RSPO2: variants seen among roughly 807,000 people sequenced by gnomAD.
RSPO2 encodes the protein R-spondin-2.
RSPO2 carries 14 observed loss-of-function variants against 30.9 expected under a neutral mutation model. The ratio of observed to expected loss-of-function variants is 0.45; its 90% CI spans 0.30 to 0.71. RSPO2 has a LOEUF of 0.71. RSPO2 is among the 30% of genes least tolerant of loss of function. RSPO2 has a pLI of 0.08. For synonymous variants in RSPO2, 107 were observed against 96.4 expected, an observed-to-expected ratio of 1.11 and a Z score of -0.64; for missense variants, 264 against 301.9, an observed-to-expected ratio of 0.87 and a Z score of 0.93.
chr8:107,926,139 AT>A (rs1812361647), intron 5 of RSPO2, among the ~76,000 whole-genome samples: 1 of 152,032 alleles, frequency 6.6e-6, no homozygotes, highest in Non-Finnish European at 1.5e-5. Context: ...TTTGATTTGC[AT>A]TTCTCTGATG....
intron 5 of RSPO2, among the ~76,000 whole-genome samples, chr8:107,951,043 G>GTTTTTTTTTTTTTTT (rs767290459): frequency 3.5e-5 from 3 of 85,860 alleles, no homozygotes; most frequent in African/African-American, 1.1e-4. Context: ...GGGAGAATAA[G>GTTTTTTTTTTTTTTT]TTTTTTTTTG....
At chr8:107,980,961 A>G (rs1414553191) in intron 3 of RSPO2, among the ~76,000 whole-genome samples, 1 of 152,194 alleles carries the variant, frequency 6.6e-6, no homozygotes, top group African/African-American at 2.4e-5. Flanking sequence ...TCTCCAACCT[A>G]ATGGTCTAAG....
At chr8:107,970,974 AG>A (rs1185613503) in intron 3 of RSPO2, among the ~76,000 whole-genome samples, 1 of 152,272 alleles carries the variant, frequency 6.6e-6, no homozygotes, top group Non-Finnish European at 1.5e-5. Flanking sequence ...CCTTCGGGCC[AG>A]TCAGTGGACT....
At chr8:107,983,149 C>T in intron 3 of RSPO2, 2 of 1,507,458 alleles carry the variant, frequency 1.3e-6, no homozygotes, top group African/African-American at 1.4e-5. Context: ...CAACCTGGCT[C>T]ATCAACAGAG....
chr8:107,922,711 G>C lies in RSPO2; in HGVS notation c.617-21521C>G, dbSNP rs538895753. Among the ~76,000 whole-genome samples, 36 of 152,102 alleles carry C rather than the reference G, an allele frequency of 2.4e-4. No homozygotes were observed. In the South Asian group the frequency reaches 7.5e-3, roughly 32 times the overall value. ...CTTCAAACTACATACTATATACTAC[G>C]GGGCTGCAAACAACATGGTACTGGT... On this transcript the variant is annotated intron_variant, in intron 5 of 5. Transcript: ENST00000276659.
chr8:108,052,119 T>C (rs1812096987), intron 2 of RSPO2, among the ~76,000 whole-genome samples: 2 of 152,226 alleles, frequency 1.3e-5, no homozygotes, highest in African/African-American at 4.8e-5. Flanking sequence ...AGCTAGATCA[T>C]ACAGAAACTG....
At chr8:107,998,696 TAATC>T (rs1815114652) in intron 2 of RSPO2, among the ~76,000 whole-genome samples, 1 of 152,166 alleles carries the variant, frequency 6.6e-6, no homozygotes, top group South Asian at 2.1e-4. Context: ...AAAAAATTGA[TAATC>T]AAGATCAAAG....
Position 107,989,082 on chromosome 8 carries a change from C to T in RSPO2, c.257G>A (p.Arg86Gln), listed in dbSNP as rs202023955. The change falls in exon 3 of 6, where the codon CGA (arginine) becomes CAA (glutamine). Residue 86 changes from arginine (R) to glutamine (Q), a missense_variant. Arg to Gln is a conservative substitution (Grantham distance 43). Transcript: ENST00000276659. ...TGCACATCTGTTCATATCTGGGGCT[C>T]GGTGTCCATAGTACCCGGATGGGCA... is the stretch of plus-strand genomic sequence containing the variant. ...HSCPSGYYGHRAPDMNRCARC... is the reference protein window; with the variant it reads ...HSCPSGYYGHQAPDMNRCARC... 1.9e-6 allele frequency: 3 copies of T among 1,608,048 alleles called. No homozygotes were observed. The highest frequency in any genetic ancestry group is 2.2e-5 in the East Asian group (1 of 44,690).
intron 3 of RSPO2, among the ~76,000 whole-genome samples, chr8:107,979,728 A>G (rs970405983): frequency 1.3e-5 from 2 of 150,612 alleles, no homozygotes; most frequent in African/African-American, 4.9e-5. Flanking sequence ...TCCCTCTCTT[A>G]CCCTTGTGTC....
intron 3 of RSPO2, among the ~76,000 whole-genome samples, chr8:107,973,436 GA>G (rs1482541253): frequency 2.0e-5 from 3 of 151,808 alleles, no homozygotes; most frequent in Non-Finnish European, 4.4e-5. Flanking sequence ...CTTTATGAAA[GA>G]AAAAAGAATC....
chr8:107,975,086 A>T (rs1260245735), intron 3 of RSPO2, among the ~76,000 whole-genome samples: 1 of 152,210 alleles, frequency 6.6e-6, no homozygotes, highest in Non-Finnish European at 1.5e-5. Flanking sequence ...CACTGAAACA[A>T]TAACAAAGAC....
chr8:107,996,974 G>A (rs1815049601), intron 2 of RSPO2: 3 of 450,558 alleles, frequency 6.7e-6, no homozygotes, highest in South Asian at 4.8e-5. Context: ...TAAAGCAAAA[G>A]TGATGTGAAC....
intron 2 of RSPO2, among the ~76,000 whole-genome samples, chr8:108,050,908 C>CT (rs1473274993): frequency 8.5e-5 from 13 of 152,244 alleles, no homozygotes; most frequent in South Asian, 2.1e-4. Context: ...CCTGGGTTCA[C>CT]TTTTTTTAAT....
At chr8:107,935,126 A>G (rs762065828) in intron 5 of RSPO2, among the ~76,000 whole-genome samples, 1 of 152,188 alleles carries the variant, frequency 6.6e-6, no homozygotes, top group Non-Finnish European at 1.5e-5. Flanking sequence ...CTCTTCTTAC[A>G]AAAGTGAATA....
chr8:108,013,166 A>AC (rs35919691), intron 2 of RSPO2, among the ~76,000 whole-genome samples: 12,815 of 152,224 alleles, frequency 0.084, 876 homozygotes, highest in African/African-American at 0.18. Context: ...TTCCACCCCT[A>AC]CTTCCTCAGG....
intron 2 of RSPO2, among the ~76,000 whole-genome samples, chr8:108,046,101 A>AGCT (rs752645673): frequency 6.6e-6 from 1 of 152,180 alleles, no homozygotes; most frequent in African/African-American, 2.4e-5. Context: ...TGCAAATGAT[A>AGCT]GCTGCTGCTG....
Position 107,916,913 on chromosome 8 carries a change from A to T in RSPO2, c.617-15723T>A, listed in dbSNP as rs540123968. The stretch of plus-strand genomic sequence containing the variant: ...GAAAATGTTACCTTATGGTCAAACG[A>T]ATTAAAACTGGATAGATTTGTAAAA... On this transcript the variant is annotated intron_variant, in intron 5 of 5. Coordinates refer to ENST00000276659, the MANE Select transcript of RSPO2 (RefSeq NM_178565.5). 3.3e-5 allele frequency among the ~76,000 whole-genome samples: 5 copies of T among 152,352 alleles called. No homozygotes were observed. The East Asian group carries it at 9.7e-4, about 29-fold the overall frequency.
intron 5 of RSPO2, among the ~76,000 whole-genome samples, chr8:107,920,017 T>C (rs1218639706): frequency 6.6e-6 from 1 of 152,080 alleles, no homozygotes; most frequent in Non-Finnish European, 1.5e-5. Context: ...TAAAGTCTAT[T>C]AGCTAGGGAC....
At chr8:107,906,385 C>A (rs1811646110) in intron 5 of RSPO2, among the ~76,000 whole-genome samples, 1 of 150,244 alleles carries the variant, frequency 6.7e-6, no homozygotes, top group East Asian at 1.9e-4. Context: ...TTAGAAATAG[C>A]ATTTTATATT....
Sources: allele counts gnomAD v4.1 joint callset (sites outside exome capture counted in the v4.1 genomes callset), GRCh38; gene constraint gnomAD v4.1.1; transcripts MANE v1.5; gene names NCBI Gene and HGNC (gene_info 2026-07-23, HGNC 2026-07-21).